Variants in ABCA12 observed in about 807,000 individuals in gnomAD.
ABCA12 encodes glucosylceramide transporter ABCA12.
A neutral mutation model predicts 293.5 loss-of-function variants in ABCA12; 156 were observed. That is an observed-to-expected ratio of 0.53 (90% confidence interval 0.47 to 0.61). The LOEUF is 0.61. Ranked by LOEUF, ABCA12 falls within the 20% of genes least tolerant of loss-of-function variation. The probability of loss-of-function intolerance (pLI) is 0.00; values close to 1 mark genes in which losing one functional copy is unlikely to be tolerated. For missense variants in ABCA12, 2,797 were observed against 3,090.2 expected, an observed-to-expected ratio of 0.91 and a Z score of 2.25; for synonymous variants, 1,063 against 1,108.0, an observed-to-expected ratio of 0.96 and a Z score of 0.81.
chr2:215,054,822 T>A (rs573203979), intron 3 of ABCA12, among the ~76,000 whole-genome samples, 158 bp from the exon 4 acceptor site: 1 of 152,178 alleles, frequency 6.6e-6, no homozygotes, highest in South Asian at 2.1e-4. Flanking sequence ...CACACACCAA[T>A]GAATATATAA....
chr2:215,124,128 C>T (rs1276897664), intron 1 of ABCA12, among the ~76,000 whole-genome samples: 1 of 152,174 alleles, frequency 6.6e-6, no homozygotes, highest in African/African-American at 2.4e-5. Context: ...CGTAGTATTC[C>T]ATCACATATA....
At chr2:214,976,239 C>A (rs1272323496) in intron 33 of ABCA12, among the ~76,000 whole-genome samples, 1 of 152,194 alleles carries the variant, frequency 6.6e-6, no homozygotes. Context: ...ATATCCATCT[C>A]ATATAGAACT....
intron 49 of ABCA12, among the ~76,000 whole-genome samples, chr2:214,944,232 T>C (rs1306324698): frequency 6.6e-6 from 1 of 151,934 alleles, no homozygotes; most frequent in Non-Finnish European, 1.5e-5. Context: ...GCCAACATGC[T>C]GAAACCCTGC....
chr2:215,073,415 C>T (rs1366470357), intron 2 of ABCA12, among the ~76,000 whole-genome samples: 2 of 152,038 alleles, frequency 1.3e-5, no homozygotes, highest in South Asian at 2.1e-4. Flanking sequence ...TCCTTAGATG[C>T]GGCTAACCAG....
Position 215,031,840 on chromosome 2 carries a change from G to C in ABCA12, c.1042C>G (p.Pro348Ala). ...WNEDDGQTLS[P>A]SSLAAQLLIL... Reference sequence around the variant, plus strand: ...ACTTACTGTGCAGCCAGACTGCTTGGAGATAAGGTCTGTCCATCATCCTCA... The same window carrying C: ...ACTTACTGTGCAGCCAGACTGCTTGCAGATAAGGTCTGTCCATCATCCTCA... Residue 348 changes from proline to alanine, a missense_variant, in exon 9 of 53, where the codon CCA becomes GCA. Around this residue, in one of 3 missense-constraint regions of ABCA12, gnomAD observed 656 missense variants for 638.2 expected, o/e 1.03. Coordinates refer to ENST00000272895, the MANE Select transcript of ABCA12 (RefSeq NM_173076.3). 6.2e-7 allele frequency: 1 copy of C among 1,613,918 alleles called. No individual in the cohort carries two copies.
rs967897452 is a variant in ABCA12 at position 215,019,243 on chromosome 2, G to A, written c.1657+93C>T. 9 of 1,131,596 alleles carry A rather than the reference G, an allele frequency of 8.0e-6. No homozygotes were observed. In the East Asian group the frequency reaches 1.2e-4, roughly 15 times the overall value. The allele number at this position is 1,131,596 out of a possible 1,614,324, so 70.1% of individuals were successfully genotyped here. On this transcript the variant is annotated intron_variant, in intron 13 of 52. Coordinates refer to ENST00000272895, the MANE Select transcript of ABCA12 (RefSeq NM_173076.3). ...TAAGGGCAGATAGCAAAGCGAGTTTGGTTGGGAACTTCAAAAAAGCTTTCT... is the reference window on the plus strand; with the variant it reads ...TAAGGGCAGATAGCAAAGCGAGTTTAGTTGGGAACTTCAAAAAAGCTTTCT...
At position 215,019,727 on chromosome 2, in the gene ABCA12, A is replaced by G. The variant is rs1414482761; in HGVS notation, c.1357T>C (p.Cys453Arg). ...CCAAAGCTCATATCAGAGAGCTGGC[A>G]TGACTTCTCTATCAAACTGAAAGTT... ...SETFSLIEKS[C>R]QLSDMSFGSL... Residue 453 changes from cysteine to arginine, a missense_variant, in exon 12 of 53, where the codon TGC (cysteine) becomes CGC (arginine). Physicochemically the swap from Cys to Arg is radical, Grantham distance 180 (BLOSUM62 -3). Around this residue, in one of 3 missense-constraint regions of ABCA12, gnomAD observed 656 missense variants for 638.2 expected, o/e 1.03. Transcript: ENST00000272895. 1.2e-6 allele frequency: 2 copies of G among 1,614,192 alleles called. No homozygotes were observed. The highest frequency in any genetic ancestry group is 1.1e-5 in the South Asian group (1 of 91,086).
chr2:215,011,762 T>C lies in ABCA12; in HGVS notation c.2122-113A>G, dbSNP rs569603639. On this transcript the variant is annotated intron_variant, in intron 16 of 52. Transcript: ENST00000272895. ...TAGAGTATCCTTACAGTTTCCATAA[T>C]TCCTTTTATATGTTTATTCCAAATG... 8.3e-6 allele frequency: 10 copies of C among 1,201,736 alleles called. No individual in the cohort carries two copies. In the East Asian group the frequency reaches 2.1e-4, roughly 25 times the overall value. 74.4% of individuals were successfully genotyped at this position (1,201,736 alleles called of 1,614,324 possible).
chr2:214,995,102 G>A (rs1700006568), intron 23 of ABCA12, among the ~76,000 whole-genome samples: 1 of 152,010 alleles, frequency 6.6e-6, no homozygotes, highest in Non-Finnish European at 1.5e-5. Context: ...TATACTATGG[G>A]CTTACTTTAA....
chr2:214,999,130 G>A (rs902384501), intron 22 of ABCA12, among the ~76,000 whole-genome samples: 1 of 152,024 alleles, frequency 6.6e-6, no homozygotes, highest in African/African-American at 2.4e-5. Flanking sequence ...TTTTGTTGTT[G>A]TTTCCTGGGA....
intron 2 of ABCA12, among the ~76,000 whole-genome samples, chr2:215,102,865 A>G (rs545005961): frequency 8.5e-5 from 13 of 152,334 alleles, no homozygotes; most frequent in African/African-American, 2.9e-4. Flanking sequence ...CTAAGGAAAA[A>G]GAAAAGTTGG....
chr2:215,062,067 G>T (rs1461398416), intron 3 of ABCA12, among the ~76,000 whole-genome samples: 1 of 151,990 alleles, frequency 6.6e-6, no homozygotes, highest in Admixed American at 6.6e-5. Flanking sequence ...AAACCTCTTT[G>T]TGAAGATTTA....
chr2:214,943,346 T>C (rs1194321912), intron 49 of ABCA12, among the ~76,000 whole-genome samples: 1 of 151,982 alleles, frequency 6.6e-6, no homozygotes, highest in East Asian at 1.9e-4. Flanking sequence ...GGTCTTGCCA[T>C]GTTGCCCAGA....
intron 50 of ABCA12, among the ~76,000 whole-genome samples, chr2:214,942,447 C>T (rs1275164207): frequency 6.6e-6 from 1 of 152,080 alleles, no homozygotes; most frequent in Non-Finnish European, 1.5e-5. Context: ...GATATTTATG[C>T]ACATTTCTCC....
chr2:215,017,445 C>G (rs1293146735), intron 14 of ABCA12, among the ~76,000 whole-genome samples: 1 of 152,206 alleles, frequency 6.6e-6, no homozygotes, highest in Non-Finnish European at 1.5e-5. Context: ...TTGACCACAT[C>G]TATTGTATAT....
At chr2:215,072,710 C>T (rs150850437) in intron 2 of ABCA12, among the ~76,000 whole-genome samples, 374 of 152,308 alleles carry the variant, frequency 2.5e-3, no homozygotes, top group Non-Finnish European at 4.1e-3. Context: ...AAATACATGG[C>T]AGATAATAAA....
rs1158377505 is a variant in ABCA12 at position 215,103,263 on chromosome 2, C to CTTTTTT, written c.163+8333_163+8334insAAAAAA. ...ACTTTAACAATGTCTCTTAAAATTT[C>CTTTTTT]TTTCTTTTTTTTTTTTTTTTTTTGA... On this transcript the variant is annotated intron_variant, in intron 2 of 52. Coordinates refer to ENST00000272895, the MANE Select transcript of ABCA12 (RefSeq NM_173076.3). Among the ~76,000 whole-genome samples the CTTTTTT allele has an allele frequency of 2.5e-4, 20 of 81,378 alleles. 2 individuals carry two copies. Among genetic ancestry groups the CTTTTTT allele is most frequent in the African/African-American group, 7.1e-4 (19 of 26,866 alleles). 53.4% of individuals were successfully genotyped at this position (81,378 alleles called of 152,430 possible).
intron 47 of ABCA12, among the ~76,000 whole-genome samples, chr2:214,948,212 T>C (rs1698640532): frequency 6.6e-6 from 1 of 152,202 alleles, no homozygotes; most frequent in Non-Finnish European, 1.5e-5. Flanking sequence ...GAAACGAATC[T>C]ATTTTACTTG....
At chr2:215,006,937 G>T (rs567722817) in intron 19 of ABCA12, among the ~76,000 whole-genome samples, 1 of 129,732 alleles carries the variant, frequency 7.7e-6, no homozygotes, top group East Asian at 2.4e-4. Flanking sequence ...GTGCAGTGGC[G>T]CAATCTCAGC....
Sources: allele counts gnomAD v4.1 joint callset (sites outside exome capture counted in the v4.1 genomes callset), GRCh38; gene constraint gnomAD v4.1.1; regional missense constraint gnomAD v4.1.1; transcripts MANE v1.5; gene names NCBI Gene and HGNC (gene_info 2026-07-23, HGNC 2026-07-21).